Variants in STK32B observed in about 807,000 individuals in gnomAD.
STK32B encodes the protein serine/threonine kinase 32B.
STK32B carries 43 observed loss-of-function variants against 52.6 expected under a neutral mutation model. The ratio of observed to expected loss-of-function variants is 0.82; its 90% CI spans 0.64 to 1.05. The LOEUF (loss-of-function observed/expected upper bound fraction) is 1.05. Ranked by LOEUF, STK32B falls within the 50% of genes least tolerant of loss-of-function variation. STK32B has a pLI of 0.00. For synonymous variants in STK32B, 238 were observed against 204.3 expected (o/e 1.17, Z -1.41); for missense variants, 621 against 534.6 (o/e 1.16, Z -1.59).
intron 3 of STK32B, among the ~76,000 whole-genome samples, chr4:5,217,356 G>A (rs1723241308): frequency 6.6e-6 from 1 of 152,188 alleles, no homozygotes; most frequent in Non-Finnish European, 1.5e-5. Flanking sequence ...TTATGAGAAA[G>A]GAAGTCTGCA....
At chr4:5,332,913 G>T (rs1422226984) in intron 4 of STK32B, among the ~76,000 whole-genome samples, 3 of 152,058 alleles carry the variant, frequency 2.0e-5, no homozygotes, top group African/African-American at 7.3e-5. Flanking sequence ...CATTTGGGTT[G>T]GTTCCAAGTC....
chr4:5,333,274 GTCT>G (rs1367586341), intron 4 of STK32B, among the ~76,000 whole-genome samples: 2 of 152,246 alleles, frequency 1.3e-5, no homozygotes, highest in African/African-American at 2.4e-5. Flanking sequence ...CTGCATAAAT[GTCT>G]TCTTTTGAGA....
intron 11 of STK32B, among the ~76,000 whole-genome samples, chr4:5,480,337 G>C (rs187297280): frequency 2.1e-4 from 32 of 152,280 alleles, no homozygotes; most frequent in Admixed American, 2.0e-3. Context: ...TGCCCAAGGT[G>C]GTCGGGGTAC....
intron 4 of STK32B, among the ~76,000 whole-genome samples, chr4:5,362,491 A>G (rs1734611267): frequency 6.6e-6 from 1 of 152,214 alleles, no homozygotes; most frequent in African/African-American, 2.4e-5. Context: ...AGTCTTTGAA[A>G]CAGAGGGCAC....
At chr4:5,044,590 T>C in the STK32B span, among the ~76,000 whole-genome samples, 1 of 152,160 alleles carries the variant, frequency 6.6e-6, no homozygotes, top group Non-Finnish European at 1.5e-5. Context: ...GAAATCCGTT[T>C]AGGTTTTCCT....
chr4:5,468,053 C>T lies in STK32B; in HGVS notation c.1089C>T (p.Ile363=), dbSNP rs574913570. The T allele has an allele frequency of 1.2e-6, 2 of 1,614,148 alleles. No individual in the cohort carries two copies. Among genetic ancestry groups the T allele is most frequent in the Admixed American group, 1.7e-5 (1 of 60,032 alleles). Residue 363 remains isoleucine, a synonymous_variant, in exon 11 of 12, where the codon ATC becomes ATT. Coordinates refer to ENST00000282908, the MANE Select transcript of STK32B (RefSeq NM_018401.3). ...HCLETVREEF[I]IFNREKLRRQ... is the part of the protein sequence containing the mutation. Reference sequence around the variant, plus strand: ...TGGAGACTGTCCGGGAGGAATTCATCATATTCAACAGAGAGAAGTAAGTCC... The same window carrying T: ...TGGAGACTGTCCGGGAGGAATTCATTATATTCAACAGAGAGAAGTAAGTCC...
At chr4:5,348,594 A>C (rs1733620460) in intron 4 of STK32B, among the ~76,000 whole-genome samples, 1 of 152,126 alleles carries the variant, frequency 6.6e-6, no homozygotes, top group Non-Finnish European at 1.5e-5. Flanking sequence ...GCTGAAGTGC[A>C]AGCAAAGTGC....
chr4:5,241,844 G>A (rs539827851), intron 3 of STK32B, among the ~76,000 whole-genome samples: 145 of 152,106 alleles, frequency 9.5e-4, no homozygotes, highest in African/African-American at 3.1e-3. Context: ...TTTTGTCCTC[G>A]CGATAGTTTG....
rs186182870 is a variant in STK32B at position 5,081,466 on chromosome 4, C to T, written c.52+29551C>T. The stretch of plus-strand genomic sequence containing the variant: ...CTTTAAATGAGATTTCTGGCCTTTT[C>T]TCTCTCCTTTTTCATCCTGGTATTC... On this transcript the variant is annotated intron_variant, in intron 1 of 11. Transcript: ENST00000282908. Among the ~76,000 whole-genome samples the T allele has an allele frequency of 6.7e-4, 102 of 152,174 alleles. 1 individual carries two copies. The highest frequency in any genetic ancestry group is 2.4e-3 in the African/African-American group (100 of 41,536).
Position 5,500,397 on chromosome 4 carries a change from CATT to C in STK32B, c.*1318_*1320del, listed in dbSNP as rs1486755758. 6.6e-6 allele frequency: 1 copy of C among 152,184 alleles called. No homozygotes were observed. Among genetic ancestry groups the C allele is most frequent in the East Asian group, 1.9e-4 (1 of 5,188 alleles). 9.4% of individuals were successfully genotyped at this position (152,184 alleles called of 1,614,324 possible). On this transcript the variant is annotated 3_prime_UTR_variant, in exon 12 of 12. Coordinates refer to ENST00000282908, the MANE Select transcript of STK32B (RefSeq NM_018401.3). The stretch of plus-strand genomic sequence containing the variant: ...CCTTTTTTGTCAGCATAATCGTCAT[CATT>C]ATTTAGATACTTTCTTCCTTCACTC...
rs186006822 is a variant in STK32B, at chr4:5,237,554, G to C, written c.260+69104G>C. On this transcript the variant is annotated intron_variant, in intron 3 of 11. Coordinates refer to ENST00000282908, the MANE Select transcript of STK32B (RefSeq NM_018401.3). The stretch of plus-strand genomic sequence containing the variant: ...CTGGCAGATGTTTTCTCTGAGTCTT[G>C]ATCAGAAATATGAAGACAACAAATC... Among the ~76,000 whole-genome samples, 6 of 152,278 alleles carry C rather than the reference G, an allele frequency of 3.9e-5. No individual in the cohort carries two copies. The East Asian group carries it at 1.2e-3, about 29-fold the overall frequency.
intron 3 of STK32B, among the ~76,000 whole-genome samples, chr4:5,192,688 T>G (rs947834456): frequency 4.6e-5 from 7 of 152,142 alleles, no homozygotes; most frequent in African/African-American, 1.7e-4. Context: ...TCAAGCTGAT[T>G]AACCCATCCA....
intron 3 of STK32B, among the ~76,000 whole-genome samples, chr4:5,234,164 T>G (rs958656358): frequency 1.3e-5 from 2 of 152,198 alleles, no homozygotes; most frequent in Non-Finnish European, 2.9e-5. Context: ...TGAGGTTAGA[T>G]TATTGGAAGC....
At chr4:5,133,281 GTATT>G (rs1467185595) in intron 1 of STK32B, among the ~76,000 whole-genome samples, 2 of 152,212 alleles carry the variant, frequency 1.3e-5, no homozygotes, top group Non-Finnish European at 2.9e-5. Context: ...CAGTAAAAAT[GTATT>G]TATTCTCCCC....
intron 7 of STK32B, among the ~76,000 whole-genome samples, chr4:5,454,002 A>G (rs1278659414): frequency 1.3e-5 from 2 of 150,692 alleles, no homozygotes; most frequent in African/African-American, 2.5e-5. Context: ...TGGAAATTAT[A>G]GAGAACTGCC....
In STK32B at chr4:5,395,604, C is replaced by T. The variant is rs892198954; in HGVS notation, c.435-2603C>T. Among the ~76,000 whole-genome samples the T allele has an allele frequency of 6.6e-6, 1 of 152,188 alleles. No homozygotes were observed. Among genetic ancestry groups the T allele is most frequent in the African/African-American group, 2.4e-5 (1 of 41,444 alleles). On this transcript the variant is annotated intron_variant, in intron 4 of 11. Coordinates refer to ENST00000282908, the MANE Select transcript of STK32B (RefSeq NM_018401.3). The surrounding 1 kb of genome is among the most constrained non-coding windows in gnomAD (Gnocchi z 4.4). ...TGCCTCTCTTCCTAGAATGCAAGCT[C>T]CATTCAGTTGGGTCTGTCTTGTTCA...
chr4:5,382,314 A>T (rs1461881485), intron 4 of STK32B, among the ~76,000 whole-genome samples: 1 of 152,176 alleles, frequency 6.6e-6, no homozygotes, highest in East Asian at 1.9e-4. Context: ...CTCCTTAGCT[A>T]TAAAATAAAC....
intron 2 of STK32B, among the ~76,000 whole-genome samples, chr4:5,167,990 C>T (rs532084611): frequency 6.6e-6 from 1 of 152,332 alleles, no homozygotes; most frequent in Admixed American, 6.5e-5. Context: ...TATCTATTTT[C>T]CTCGTGGGCT....
chr4:5,231,144 C>T (rs1299831670), intron 3 of STK32B, among the ~76,000 whole-genome samples: 2 of 152,144 alleles, frequency 1.3e-5, no homozygotes, highest in South Asian at 2.1e-4. Flanking sequence ...GATTTTATGC[C>T]TTCTTTTGAT....
Sources: gnomAD v4.1 joint callset for allele counts (sites outside exome capture counted in the v4.1 genomes callset) on GRCh38, gnomAD v4.1.1 for gene constraint, Gnocchi (gnomAD v3.1) non-coding constraint, MANE v1.5 for transcripts, NCBI Gene and HGNC (gene_info 2026-07-23, HGNC 2026-07-21) for gene names.